The following RPTOR variants were observed in gnomAD, a reference collection of about 807,000 sequenced individuals.
The protein encoded by RPTOR is regulatory-associated protein of mTOR.
RPTOR carries 21 observed loss-of-function variants against 169.9 expected under a neutral mutation model. The ratio of observed to expected loss-of-function variants is 0.12; its 90% CI spans 0.09 to 0.18. The LOEUF (loss-of-function observed/expected upper bound fraction) is 0.18, where lower values mean the gene tolerates loss of function less well. Ranked by LOEUF, RPTOR falls within the 10% of genes least tolerant of loss-of-function variation. The probability of loss-of-function intolerance (pLI) is 1.00; values close to 1 mark genes in which losing one functional copy is unlikely to be tolerated. For missense variants in RPTOR, 1,133 were observed against 1,855.9 expected (o/e 0.61, Z 7.16); for synonymous variants, 732 against 753.2 (o/e 0.97, Z 0.46).
chr17:80,697,324 A>G (rs1254793402), intron 3 of RPTOR, among the ~76,000 whole-genome samples: 3 of 152,230 alleles, frequency 2.0e-5, no homozygotes, highest in Non-Finnish European at 2.9e-5. Context: ...AGAAAGAATC[A>G]ATTGGGAAAG....
chr17:80,890,250 C>G (rs1298455348), intron 17 of RPTOR, among the ~76,000 whole-genome samples: 1 of 152,226 alleles, frequency 6.6e-6, no homozygotes, highest in East Asian at 1.9e-4. Context: ...CCAGCTCTGG[C>G]TTTTCTCACC....
chr17:80,814,703 G>A (rs1168191551), intron 7 of RPTOR, among the ~76,000 whole-genome samples: 2 of 152,188 alleles, frequency 1.3e-5, no homozygotes, highest in Non-Finnish European at 2.9e-5. Context: ...CATCTGTTCT[G>A]TATTCGACTT....
chr17:80,644,242 A>G (rs540711611), intron 3 of RPTOR, among the ~76,000 whole-genome samples: 16 of 149,686 alleles, frequency 1.1e-4, no homozygotes, highest in Non-Finnish European at 2.2e-4. Context: ...CACTTATTAT[A>G]TGCTTTGCCT....
At chr17:80,840,951 G>C in intron 10 of RPTOR, among the ~76,000 whole-genome samples, 1 of 78,416 alleles carries the variant, frequency 1.3e-5, no homozygotes, top group South Asian at 5.3e-4. Context: ...CTGCACCGCA[G>C]CTCACACTCA....
Position 80,844,714 on chromosome 17 carries a change from C to T in RPTOR, c.1213-1759C>T. On this transcript the variant is annotated intron_variant, in intron 10 of 33. Transcript: ENST00000306801. This position sits in a 1 kb window ranked among gnomAD's most constrained non-coding sequence, Gnocchi z 4.7. ...ACGGGGCTCTGCCCGCCAGGCTCCT[C>T]TGTGGAGGCTGCCGAGAGCGCTCCT... Among the ~76,000 whole-genome samples, 1 of 152,224 alleles carries T rather than the reference C, an allele frequency of 6.6e-6. No homozygotes were observed. The highest frequency in any genetic ancestry group is 1.9e-4 in the East Asian group (1 of 5,180).
intron 6 of RPTOR, among the ~76,000 whole-genome samples, chr17:80,787,905 G>A (rs1202719973): frequency 1.3e-5 from 2 of 152,076 alleles, no homozygotes; most frequent in East Asian, 1.9e-4. Flanking sequence ...GATGGATATT[G>A]CCCCCACCTT....
rs942591579 is a variant in RPTOR, at chr17:80,754,400, G to T, written c.830+215G>T. Among the ~76,000 whole-genome samples, 1 of 152,136 alleles carries T rather than the reference G, an allele frequency of 6.6e-6. No homozygotes were observed. The highest frequency in any genetic ancestry group is 6.5e-5 in the Admixed American group (1 of 15,284). On this transcript the variant is annotated intron_variant, in intron 6 of 33. Transcript: ENST00000306801. This position sits in a 1 kb window ranked among gnomAD's most constrained non-coding sequence, Gnocchi z 4.2. The stretch of plus-strand genomic sequence containing the variant: ...GATCCTTCTTCCTTCTGATCTGTTC[G>T]TGGGCAGCTCACTGCTTTGCGATTT...
rs372540029 is a variant in RPTOR at position 80,752,774 on chromosome 17, C to T, written c.655-1236C>T. ...TATCCATGGCAGGGTATAGCAAACT[C>T]GTGTATCAGACAGTCCTGTCATTTT... On this transcript the variant is annotated intron_variant, in intron 5 of 33. Coordinates refer to ENST00000306801, the MANE Select transcript of RPTOR (RefSeq NM_020761.3). Among the ~76,000 whole-genome samples the T allele has an allele frequency of 3.9e-5, 6 of 152,186 alleles. No homozygotes were observed. The East Asian group carries it at 5.8e-4, about 15-fold the overall frequency.
intron 20 of RPTOR, among the ~76,000 whole-genome samples, chr17:80,908,036 C>T (rs1202371471): frequency 6.6e-6 from 1 of 152,174 alleles, no homozygotes; most frequent in Non-Finnish European, 1.5e-5. Flanking sequence ...TCCTTGGCGA[C>T]GCTGGGGGTA....
At chr17:80,796,144 C>T (rs1056492048) in intron 7 of RPTOR, among the ~76,000 whole-genome samples, 1 of 152,226 alleles carries the variant, frequency 6.6e-6, no homozygotes, top group Non-Finnish European at 1.5e-5. Flanking sequence ...TGTCAAGACA[C>T]TGCCTGAGAC....
chr17:80,858,712 G>T (rs1178314133), intron 13 of RPTOR, among the ~76,000 whole-genome samples: 1 of 152,142 alleles, frequency 6.6e-6, no homozygotes, highest in African/African-American at 2.4e-5. Context: ...CCTTGAGGGG[G>T]TGGATGTCGG....
chr17:80,618,040 G>T (rs2065325558), intron 1 of RPTOR, among the ~76,000 whole-genome samples: 1 of 151,296 alleles, frequency 6.6e-6, no homozygotes, highest in African/African-American at 2.5e-5. Flanking sequence ...GAGTGCAGTG[G>T]TGTGATCTCG....
At chr17:80,871,526 G>A (rs541420141) in intron 13 of RPTOR, among the ~76,000 whole-genome samples, 101 of 152,296 alleles carry the variant, frequency 6.6e-4, no homozygotes, top group Non-Finnish European at 1.2e-3. Flanking sequence ...AGACCCGGCT[G>A]AGGTCAGGCG....
chr17:80,847,981 G>C (rs999163623), intron 11 of RPTOR, among the ~76,000 whole-genome samples: 2 of 152,250 alleles, frequency 1.3e-5, no homozygotes. Context: ...TGCAGCAGTG[G>C]CAGCCAGCGT....
chr17:80,859,554 G>T (rs1461522612), intron 13 of RPTOR, among the ~76,000 whole-genome samples: 4 of 152,198 alleles, frequency 2.6e-5, no homozygotes, highest in Admixed American at 2.0e-4. Flanking sequence ...CTTGCTCTGG[G>T]GGTGCCGCCA....
At chr17:80,712,412 C>T (rs933019842) in intron 4 of RPTOR, among the ~76,000 whole-genome samples, 2 of 152,106 alleles carry the variant, frequency 1.3e-5, no homozygotes, top group Non-Finnish European at 2.9e-5. Flanking sequence ...TATAGTTGGA[C>T]TCATATAGTA....
chr17:80,674,559 A>T (rs1468486706), intron 3 of RPTOR, among the ~76,000 whole-genome samples: 3 of 152,144 alleles, frequency 2.0e-5, no homozygotes, highest in Non-Finnish European at 4.4e-5. Context: ...CTTCTTTTCT[A>T]CCTGAGCTTA....
At position 80,681,746 on chromosome 17, in the gene RPTOR, G is replaced by A. The variant is rs1002391480; in HGVS notation, c.349-26095G>A. On this transcript the variant is annotated intron_variant, in intron 3 of 33. Transcript: ENST00000306801. ...TCTCTTACACCTTCATGAGGTGTAC[G>A]TCTCTTACACCTTCATGAGGTGTAC... 3.8e-4 allele frequency among the ~76,000 whole-genome samples: 48 copies of A among 126,820 alleles called. 2 individuals carry two copies. Among genetic ancestry groups the A allele is most frequent in the Middle Eastern group, 4.0e-3 (1 of 252 alleles). 83.2% of individuals were successfully genotyped at this position (126,820 alleles called of 152,430 possible).
In RPTOR at chr17:80,844,895, C is replaced by T. The variant is rs774308536; in HGVS notation, c.1213-1578C>T. ...CTCTCAGAGACACGCACCTCCACTG[C>T]GGCCACCCACCTTCCCCCCGAGCAA... On this transcript the variant is annotated intron_variant, in intron 10 of 33. Transcript: ENST00000306801. This position sits in a 1 kb window ranked among gnomAD's most constrained non-coding sequence, Gnocchi z 4.7. Among the ~76,000 whole-genome samples, 4 of 152,076 alleles carry T rather than the reference C, an allele frequency of 2.6e-5. No individual in the cohort carries two copies. The highest frequency in any genetic ancestry group is 1.3e-4 in the Admixed American group (2 of 15,278).
Sources: gnomAD v4.1 joint callset for allele counts (sites outside exome capture counted in the v4.1 genomes callset) on GRCh38, gnomAD v4.1.1 for gene constraint, Gnocchi (gnomAD v3.1) non-coding constraint, MANE v1.5 for transcripts, NCBI Gene and HGNC (gene_info 2026-07-23, HGNC 2026-07-21) for gene names.